Variants in KIF11 observed in about 807,000 individuals in gnomAD.
KIF11 encodes kinesin family member 11.
In KIF11, 9 loss-of-function variants were observed where a neutral mutation model predicts 121.0. That is an observed-to-expected ratio of 0.07 (90% CI 0.04 to 0.13). The LOEUF (loss-of-function observed/expected upper bound fraction) is 0.13, where lower values mean the gene tolerates loss of function less well. Among genes scored for constraint, KIF11 ranks in the 10% least tolerant of loss-of-function variants. The pLI is 1.00. For missense variants in KIF11, 846 were observed against 1,217.5 expected (o/e 0.69, Z 4.54); for synonymous variants, 408 against 421.0 (o/e 0.97, Z 0.38).
At position 92,602,919 on chromosome 10, in the gene KIF11, G is replaced by A. The variant is rs1028964806; in HGVS notation, c.78-3346G>A. 4.6e-5 allele frequency among the ~76,000 whole-genome samples: 7 copies of A among 150,578 alleles called. No individual in the cohort carries two copies. The South Asian group carries it at 1.1e-3, about 23-fold the overall frequency. On this transcript the variant is annotated intron_variant, in intron 1 of 21. Transcript: ENST00000260731. ...TGCCCAGGCTGGGGTGCAATGGCGC[G>A]ATCTCGGCTCACTGCAACCTCTGCC...
At chr10:92,645,875 T>C (rs1437462071) in intron 18 of KIF11, among the ~76,000 whole-genome samples, 1 of 152,118 alleles carries the variant, frequency 6.6e-6, no homozygotes, top group African/African-American at 2.4e-5. Flanking sequence ...TATTTATCCT[T>C]GGTTTCTGAC....
chr10:92,651,507 GTTTTTTTTTTTTT>G lies in KIF11; in HGVS notation c.3039+1019_3039+1031del, dbSNP rs1175303233. Among the ~76,000 whole-genome samples, 33 of 52,970 alleles carry G rather than the reference GTTTTTTTTTTTTT, an allele frequency of 6.2e-4. 3 individuals carry two copies. In the South Asian group the frequency reaches 6.8e-3, roughly 11 times the overall value. The allele number at this position is 52,970 out of a possible 152,430, so 34.8% of individuals were successfully genotyped here. On this transcript the variant is annotated intron_variant, in intron 21 of 21. Transcript: ENST00000260731. ...TGTGCCACCATGCCTGGCTAATTTTGTTTTTTTTTTTTTTTTTTTTTTTTTTTTTTTTTTTTTT... is the reference window on the plus strand; with the variant it reads ...TGTGCCACCATGCCTGGCTAATTTTGTTTTTTTTTTTTTTTTTTTTTTTTT...
At chr10:92,640,879 T>C (rs1844857724) in intron 17 of KIF11, among the ~76,000 whole-genome samples, 2 of 152,200 alleles carry the variant, frequency 1.3e-5, no homozygotes, top group African/African-American at 4.8e-5. Context: ...CCCGAGTAGC[T>C]GGGATTACAG....
intron 10 of KIF11, among the ~76,000 whole-genome samples, chr10:92,622,802 G>A (rs148487080): frequency 5.3e-5 from 8 of 152,174 alleles, no homozygotes; most frequent in Non-Finnish European, 1.2e-4. Context: ...TCCATAGGCT[G>A]TACAGGAGGC....
Position 92,628,778 on chromosome 10 carries a change from C to A in KIF11, c.1218-30C>A, listed in dbSNP as rs967471372. On this transcript the variant is annotated intron_variant, in intron 10 of 21. Coordinates refer to ENST00000260731, the MANE Select transcript of KIF11 (RefSeq NM_004523.4). ...TATAGGAGTTAGAAAAAAATATTAA[C>A]TGTTAAACTCATATTAAACTTTATT... The A allele has an allele frequency of 1.8e-5, 22 of 1,198,910 alleles. No homozygotes were observed. In the Middle Eastern group the frequency reaches 1.4e-3, roughly 76 times the overall value. The allele number at this position is 1,198,910 out of a possible 1,614,324, so 74.3% of individuals were successfully genotyped here. A position where few individuals can be genotyped will look rare whatever the true frequency, so the allele number is the denominator to read the frequency against.
At chr10:92,600,792 G>A (rs912296402) in intron 1 of KIF11, among the ~76,000 whole-genome samples, 4 of 152,126 alleles carry the variant, frequency 2.6e-5, no homozygotes, top group Non-Finnish European at 5.9e-5. Flanking sequence ...GAGCCACCAC[G>A]CCCGGCCAGA....
chr10:92,648,270 G>A lies in KIF11; in HGVS notation c.2606G>A (p.Arg869His), dbSNP rs202131190. The A allele has an allele frequency of 1.7e-5, 28 of 1,613,690 alleles. No homozygotes were observed. The East Asian group carries it at 2.7e-4, about 15-fold the overall frequency. The change falls in exon 19 of 22, where the codon CGT becomes CAT. Residue 869 changes from arginine (R) to histidine (H), a missense_variant. Arg to His is a conservative substitution (Grantham distance 29, BLOSUM62 0). This residue lies in a region of KIF11 where 492 missense variants were observed against 603.4 expected (regional missense o/e 0.82). Coordinates refer to ENST00000260731, the MANE Select transcript of KIF11 (RefSeq NM_004523.4). ...GACATCACTGAGAAATCAGATGGACGTAAGGCAGCTCATGAGAAACAGCAT... is the reference window on the plus strand; with the variant it reads ...GACATCACTGAGAAATCAGATGGACATAAGGCAGCTCATGAGAAACAGCAT... ...SSDITEKSDG[R>H]KAAHEKQHNI...
chr10:92,621,037 G>A (rs529195010), intron 9 of KIF11, among the ~76,000 whole-genome samples: 2 of 152,262 alleles, frequency 1.3e-5, no homozygotes, highest in Middle Eastern at 3.4e-3. Context: ...AAGATGTTCC[G>A]TATTCATCTT....
In KIF11 at chr10:92,593,272, G is replaced by A; in HGVS notation, c.-104G>A. 8.2e-7 allele frequency: 1 copy of A among 1,215,814 alleles called. No individual in the cohort carries two copies. 75.3% of individuals were successfully genotyped at this position (1,215,814 alleles called of 1,614,324 possible). On this transcript the variant is annotated 5_prime_UTR_variant, in exon 1 of 22. Transcript: ENST00000260731. The stretch of plus-strand genomic sequence containing the variant: ...GGTCCTCCAGGCCACGCCAGCGCCC[G>A]AGAGGGACCAGGGAGACTCCGGCCC...
At chr10:92,618,020 G>A (rs908927503) in intron 9 of KIF11, among the ~76,000 whole-genome samples, 1 of 152,154 alleles carries the variant, frequency 6.6e-6, no homozygotes, top group African/African-American at 2.4e-5. Flanking sequence ...TCACAGGCGT[G>A]AGCCAATACG....
At chr10:92,603,668 A>G (rs1844400208) in intron 1 of KIF11, among the ~76,000 whole-genome samples, 1 of 150,470 alleles carries the variant, frequency 6.6e-6, no homozygotes, top group Non-Finnish European at 1.5e-5. Flanking sequence ...TTGTATTTTT[A>G]ATAGTGATGG....
At chr10:92,649,120 CTTTTT>C (rs11285704) in intron 19 of KIF11, among the ~76,000 whole-genome samples, 3 of 144,630 alleles carry the variant, frequency 2.1e-5, no homozygotes, top group South Asian at 4.4e-4. Context: ...TCACAAAACT[CTTTTT>C]TTTTTTTAAT....
chr10:92,610,306 T>G (rs545658185), intron 6 of KIF11, among the ~76,000 whole-genome samples: 8 of 152,352 alleles, frequency 5.3e-5, no homozygotes, highest in Admixed American at 1.3e-4. Flanking sequence ...TCACTAACAC[T>G]GGCTTTCATG....
At chr10:92,631,965 A>AC (rs988042996) in intron 12 of KIF11, among the ~76,000 whole-genome samples, 4 of 152,122 alleles carry the variant, frequency 2.6e-5, no homozygotes, top group African/African-American at 9.7e-5. Flanking sequence ...GTAAGCCACC[A>AC]CGTCCGGCCA....
At chr10:92,596,848 C>G in intron 1 of KIF11, 1 of 171,576 alleles carries the variant, frequency 5.8e-6, no homozygotes, top group South Asian at 1.4e-4. Context: ...CTTTTCCTTT[C>G]TTTTTCTTTT....
At chr10:92,608,470 G>A (rs1412942553) in intron 4 of KIF11, among the ~76,000 whole-genome samples, 1 of 150,222 alleles carries the variant, frequency 6.7e-6, no homozygotes, top group Non-Finnish European at 1.5e-5. Context: ...ACGGAGTCTC[G>A]CTCTGTCGCC....
intron 9 of KIF11, 38 bp from the exon 10 acceptor site, chr10:92,621,347 A>G (rs1163967357): frequency 8.0e-7 from 1 of 1,250,006 alleles, no homozygotes; most frequent in South Asian, 1.3e-5. Flanking sequence ...GAATGAAAAA[A>G]GTACTAAACT....
Position 92,637,565 on chromosome 10 carries a change from TG to T in KIF11, c.2160+24del. ...TCCCAGGTATGTTGTTTAGCGGACTTGGGGAGTACAGAAAGAGAGTTTTAGG... is the reference window on the plus strand; with the variant it reads ...TCCCAGGTATGTTGTTTAGCGGACTTGGGAGTACAGAAAGAGAGTTTTAGG... On this transcript the variant is annotated intron_variant, in intron 16 of 21. Coordinates refer to ENST00000260731, the MANE Select transcript of KIF11 (RefSeq NM_004523.4). The T allele has an allele frequency of 6.3e-7, 1 of 1,590,092 alleles. No individual in the cohort carries two copies. The highest frequency in any genetic ancestry group is 8.5e-7 in the Non-Finnish European group (1 of 1,174,216).
At chr10:92,606,744 T>C in intron 3 of KIF11, 28 bp downstream of exon 3, 1 of 1,078,198 alleles carries the variant, frequency 9.3e-7, no homozygotes. Context: ...TTTTCTGATT[T>C]ATGAAAAAGC....
Sources: allele counts gnomAD v4.1 joint callset (sites outside exome capture counted in the v4.1 genomes callset), GRCh38; gene constraint gnomAD v4.1.1; regional missense constraint gnomAD v4.1.1; transcripts MANE v1.5; gene names NCBI Gene and HGNC (gene_info 2026-07-23, HGNC 2026-07-21).